The following GABRA3 variants were observed in gnomAD, a reference collection of about 807,000 sequenced individuals.
GABRA3 encodes gamma-aminobutyric acid receptor subunit alpha-3.
In GABRA3, 10 loss-of-function variants were observed where a neutral mutation model predicts 30.1. That is an observed-to-expected ratio of 0.33 (90% CI 0.20 to 0.56). The LOEUF (loss-of-function observed/expected upper bound fraction) is 0.56. GABRA3 is among the 20% of genes least tolerant of loss of function. The pLI is 0.89. For missense variants in GABRA3, 233 were observed against 392.0 expected (o/e 0.59, Z 3.42); for synonymous variants, 151 against 146.8 (o/e 1.03, Z -0.21).
chrX:152,435,361 A>G (rs1930752343), intron 1 of GABRA3, among the ~76,000 whole-genome samples: 1 of 111,807 alleles, frequency 8.9e-6, no homozygotes, highest in Non-Finnish European at 1.9e-5. Flanking sequence ...CCCAGCAGTG[A>G]TAGACTGGAT....
chrX:152,297,741 A>C (rs772768082), intron 3 of GABRA3, among the ~76,000 whole-genome samples: 1 of 112,477 alleles, frequency 8.9e-6, no homozygotes. Flanking sequence ...AATATTCTAT[A>C]ATAGGAGGAA....
intron 3 of GABRA3, among the ~76,000 whole-genome samples, chrX:152,306,158 T>C (rs1013533825): frequency 4.5e-5 from 5 of 111,981 alleles, no homozygotes; most frequent in Admixed American, 1.9e-4. Flanking sequence ...CTGTCAAATA[T>C]CTAGACCCTT....
intron 2 of GABRA3, among the ~76,000 whole-genome samples, chrX:152,363,894 T>C (rs1001871400): frequency 5.4e-5 from 6 of 111,843 alleles, no homozygotes; most frequent in Admixed American, 2.9e-4. Context: ...AGAACCAACA[T>C]TGGCCATCTT....
At chrX:152,330,030 T>C (rs916908981) in intron 3 of GABRA3, among the ~76,000 whole-genome samples, 3 of 111,550 alleles carry the variant, frequency 2.7e-5, no homozygotes, top group African/African-American at 9.8e-5. Context: ...CATCAAAAAG[T>C]GGGCAAAGGA....
At chrX:152,392,495 T>C (rs773698532) in intron 1 of GABRA3, among the ~76,000 whole-genome samples, 1 of 111,815 alleles carries the variant, frequency 8.9e-6, no homozygotes, top group Non-Finnish European at 1.9e-5. Context: ...CAGAAGACCA[T>C]AGCTAAAGGG....
intron 3 of GABRA3, among the ~76,000 whole-genome samples, chrX:152,335,729 C>A (rs777793225): frequency 9.0e-6 from 1 of 111,101 alleles, no homozygotes; most frequent in African/African-American, 3.3e-5. Flanking sequence ...TTCAAAGATT[C>A]TTTTTTTTCA....
intron 1 of GABRA3, among the ~76,000 whole-genome samples, chrX:152,411,045 C>T (rs1038314452): frequency 1.6e-4 from 18 of 112,087 alleles, no homozygotes; most frequent in African/African-American, 5.8e-4. Context: ...TGTGGTGACT[C>T]ATGTCTGTAA....
At chrX:152,325,864 A>C (rs1381067865) in intron 3 of GABRA3, among the ~76,000 whole-genome samples, 4 of 111,968 alleles carry the variant, frequency 3.6e-5, no homozygotes, top group South Asian at 7.5e-4. Flanking sequence ...TGACGAGTTG[A>C]GAGAAGAAGG....
rs749910411 is a variant in GABRA3 at position 152,448,899 on chromosome X, G to C, written c.-27+2247C>G. ...AAAGCGACCTTCCTTGCTCCCATCA[G>C]TCCAGTTGACACCAGATAGCAAGCT... is the stretch of plus-strand genomic sequence containing the variant. On this transcript the variant is annotated intron_variant, in intron 1 of 9. Transcript: ENST00000370314. Among the ~76,000 whole-genome samples, 4 of 111,199 alleles carry C rather than the reference G, an allele frequency of 3.6e-5. No homozygotes were observed. The East Asian group carries it at 1.1e-3, about 32-fold the overall frequency.
chrX:152,379,987 ACCACCATG>A (rs1288864132), intron 1 of GABRA3, among the ~76,000 whole-genome samples: 1 of 110,642 alleles, frequency 9.0e-6, no homozygotes, highest in East Asian at 2.9e-4. Context: ...AGAGGCGCCC[ACCACCATG>A]CCTGGCTAAT....
intron 3 of GABRA3, among the ~76,000 whole-genome samples, chrX:152,317,209 TA>T (rs1342072889): frequency 8.9e-6 from 1 of 111,875 alleles, no homozygotes; most frequent in Non-Finnish European, 1.9e-5. Context: ...CAACAGCAGT[TA>T]CAAAAGTCAA....
intron 1 of GABRA3, among the ~76,000 whole-genome samples, chrX:152,397,637 T>G (rs751589633): frequency 8.9e-6 from 1 of 112,150 alleles, no homozygotes; most frequent in Admixed American, 9.5e-5. Context: ...AAATCTTGAA[T>G]GATCCATCTA....
At chrX:152,348,694 T>C (rs974476528) in intron 2 of GABRA3, among the ~76,000 whole-genome samples, 1 of 112,101 alleles carries the variant, frequency 8.9e-6, no homozygotes, top group Non-Finnish European at 1.9e-5. Flanking sequence ...GAGTCACAAA[T>C]ATTTTGGTTT....
intron 1 of GABRA3, among the ~76,000 whole-genome samples, chrX:152,404,736 TTATTATTATTATTATTA>T (rs1929884404): frequency 1.7e-3 from 99 of 59,963 alleles, no homozygotes; most frequent in Admixed American, 4.0e-3. Flanking sequence ...AAGTCATTTA[TTATTATTATTATTATTA>T]TTATTATTAT....
chrX:152,303,211 C>T (rs1187632417), intron 3 of GABRA3, among the ~76,000 whole-genome samples: 1 of 112,293 alleles, frequency 8.9e-6, no homozygotes, highest in African/African-American at 3.2e-5. Flanking sequence ...ATAAGTGTTG[C>T]CTTTTCTCTA....
At chrX:152,407,994 C>CA (rs1003557912) in intron 1 of GABRA3, among the ~76,000 whole-genome samples, 2 of 110,128 alleles carry the variant, frequency 1.8e-5, no homozygotes, top group Non-Finnish European at 3.8e-5. Context: ...CAAATGATGT[C>CA]AAAAAAAAGA....
chrX:152,438,942 A>G (rs973490777), intron 1 of GABRA3, among the ~76,000 whole-genome samples: 1 of 110,364 alleles, frequency 9.1e-6, no homozygotes, highest in Non-Finnish European at 1.9e-5. Flanking sequence ...GTAGAACACA[A>G]AGAGTGTGCA....
intron 5 of GABRA3, among the ~76,000 whole-genome samples, chrX:152,248,265 T>G (rs1212403211): frequency 1.8e-5 from 2 of 111,403 alleles, no homozygotes; most frequent in African/African-American, 6.5e-5. Context: ...CACTTTCTCA[T>G]TTTCTTGGTA....
chrX:152,203,447 G>A (rs1274159743), intron 7 of GABRA3, among the ~76,000 whole-genome samples: 6 of 112,031 alleles, frequency 5.4e-5, no homozygotes, highest in African/African-American at 1.9e-4. Context: ...AATCTATAGA[G>A]AAAGTATTGA....
Sources: gnomAD v4.1 joint callset for allele counts (sites outside exome capture counted in the v4.1 genomes callset) on GRCh38, gnomAD v4.1.1 for gene constraint, MANE v1.5 for transcripts, NCBI Gene and HGNC (gene_info 2026-07-23, HGNC 2026-07-21) for gene names.